The following BCL11B variants were observed in gnomAD, a reference collection of about 807,000 sequenced individuals.
BCL11B encodes the protein B-cell lymphoma/leukemia 11B.
Under a neutral mutation model 49.9 loss-of-function variants are expected in BCL11B, and 8 were observed. The ratio of observed to expected loss-of-function variants is 0.16; its 90% CI spans 0.09 to 0.29. The LOEUF (loss-of-function observed/expected upper bound fraction) is 0.29. BCL11B is among the 10% of genes least tolerant of loss of function. The pLI is 1.00. For missense variants in BCL11B, 1,006 were observed against 1,351.0 expected, an observed-to-expected ratio of 0.74 and a Z score of 4.00; for synonymous variants, 739 against 637.4, an observed-to-expected ratio of 1.16 and a Z score of -2.40.
rs1888599429 is a variant in BCL11B at position 99,239,422 on chromosome 14, G to A, written c.428-7865C>T. The stretch of plus-strand genomic sequence containing the variant: ...AAGCATAAAGAATGTGGGACTTCGG[G>A]TTGGGACCCTGTAGCCCTTTCCCAG... On this transcript the variant is annotated intron_variant, in intron 2 of 3. Transcript: ENST00000357195. 2.6e-5 allele frequency among the ~76,000 whole-genome samples: 4 copies of A among 152,214 alleles called. No individual in the cohort carries two copies. In the South Asian group the frequency reaches 8.3e-4, roughly 32 times the overall value.
At chr14:99,217,804 GCCA>G (rs2139858492) in intron 3 of BCL11B, among the ~76,000 whole-genome samples, 1 of 152,220 alleles carries the variant, frequency 6.6e-6, no homozygotes, top group East Asian at 1.9e-4. Flanking sequence ...CCCGCCGCCT[GCCA>G]CCACCCCGTC....
chr14:99,224,408 A>G (rs1169187180), intron 3 of BCL11B, among the ~76,000 whole-genome samples: 1 of 152,156 alleles, frequency 6.6e-6, no homozygotes, highest in East Asian at 1.9e-4. Flanking sequence ...TGTCATGCCT[A>G]GGACTGAGCC....
chr14:99,209,612 G>C (rs780444652), intron 3 of BCL11B, among the ~76,000 whole-genome samples: 2 of 152,130 alleles, frequency 1.3e-5, no homozygotes, highest in Non-Finnish European at 2.9e-5. Context: ...CCTGGCCCCC[G>C]GCAGGGGAGA....
At chr14:99,223,114 G>A (rs1888059993) in intron 3 of BCL11B, among the ~76,000 whole-genome samples, 1 of 152,156 alleles carries the variant, frequency 6.6e-6, no homozygotes, top group South Asian at 2.1e-4. Flanking sequence ...CCTTCACCTG[G>A]TAAGAAGCAC....
rs1183669798 is a variant in BCL11B at position 99,263,681 on chromosome 14, C to A, written c.59-5842G>T. Among the ~76,000 whole-genome samples the A allele has an allele frequency of 2.0e-5, 3 of 152,150 alleles. No homozygotes were observed. The East Asian group carries it at 5.8e-4, about 29-fold the overall frequency. ...CCTCAGTTGCTCTATGGAGTCCAAC[C>A]GCCTTCTCTCCCCCACTGCACACAC... On this transcript the variant is annotated intron_variant, in intron 1 of 3. Coordinates refer to ENST00000357195, the MANE Select transcript of BCL11B (RefSeq NM_138576.4).
Position 99,231,526 on chromosome 14 carries a change from C to T in BCL11B, c.459G>A (p.Val153=). Residue 153 remains valine (V), a synonymous_variant, in exon 3 of 4, where the codon GTG becomes GTA. Transcript: ENST00000357195. This position sits in a 1 kb window ranked among gnomAD's most constrained non-coding sequence, Gnocchi z 8.1. ...GGTGGGAGGAGGCAGCTATGGGGGC[C>T]ACCGCTGGCAGCTGGGCAGGCCTGC... ...GPCRPAQLPA[V]APIAASSHPH... 6.3e-7 allele frequency: 1 copy of T among 1,592,382 alleles called. No homozygotes were observed. Among genetic ancestry groups the T allele is most frequent in the African/African-American group, 1.3e-5 (1 of 74,806 alleles).
chr14:99,240,023 G>A (rs759212975), intron 2 of BCL11B, among the ~76,000 whole-genome samples: 2 of 152,216 alleles, frequency 1.3e-5, no homozygotes, highest in Non-Finnish European at 2.9e-5. Context: ...TGCAGATGGA[G>A]TCATGGATAT....
intron 1 of BCL11B, among the ~76,000 whole-genome samples, chr14:99,267,733 T>C (rs1033823356): frequency 3.9e-5 from 6 of 152,186 alleles, no homozygotes; most frequent in African/African-American, 1.4e-4. Context: ...AAGGTAACCA[T>C]GGAATTAACA....
At chr14:99,182,158 T>C (rs1237120581) in intron 3 of BCL11B, among the ~76,000 whole-genome samples, 4 of 152,114 alleles carry the variant, frequency 2.6e-5, no homozygotes, top group Non-Finnish European at 5.9e-5. Flanking sequence ...AAGGCGGAAC[T>C]GGGGAAATAA....
At position 99,257,934 on chromosome 14, in the gene BCL11B, A is replaced by AAGAAGCAGCCCCCT; in HGVS notation, c.59-109_59-96dup. On this transcript the variant is annotated intron_variant, in intron 1 of 3. Transcript: ENST00000357195. The surrounding 1 kb of genome is among the most constrained non-coding windows in gnomAD (Gnocchi z 6.2). ...ACTTCCGGTCCACCCCTTCCCCGCC[A>AAGAAGCAGCCCCCT]AGAAGCAGCCCCCTCTGCTGCTGGC... 2 of 1,372,604 alleles carry AAGAAGCAGCCCCCT rather than the reference A, an allele frequency of 1.5e-6. No homozygotes were observed. The highest frequency in any genetic ancestry group is 1.9e-6 in the Non-Finnish European group (2 of 1,048,604). The allele number at this position is 1,372,604 out of a possible 1,614,324, so 85.0% of individuals were successfully genotyped here.
At chr14:99,222,999 T>A (rs1301670170) in intron 3 of BCL11B, among the ~76,000 whole-genome samples, 1 of 152,206 alleles carries the variant, frequency 6.6e-6, no homozygotes, top group African/African-American at 2.4e-5. Context: ...ATCATTTAAA[T>A]TAGGAATATA....
At chr14:99,222,709 C>T (rs1888045749) in intron 3 of BCL11B, among the ~76,000 whole-genome samples, 1 of 152,152 alleles carries the variant, frequency 6.6e-6, no homozygotes, top group South Asian at 2.1e-4. Context: ...CAGAAGACAC[C>T]ACATCCACAC....
intron 3 of BCL11B, among the ~76,000 whole-genome samples, chr14:99,203,871 G>A (rs1191994879): frequency 1.3e-5 from 2 of 151,898 alleles, no homozygotes; most frequent in African/African-American, 2.4e-5. Flanking sequence ...CCTCCCTCTC[G>A]TGGCCTAGTC....
chr14:99,251,066 A>C (rs2139938908), intron 2 of BCL11B, among the ~76,000 whole-genome samples: 1 of 152,308 alleles, frequency 6.6e-6, no homozygotes, highest in East Asian at 1.9e-4. Context: ...CCCCTTTCTC[A>C]GCTGAGGAAA....
chr14:99,234,240 G>A (rs1337673313), intron 2 of BCL11B, among the ~76,000 whole-genome samples: 2 of 152,078 alleles, frequency 1.3e-5, no homozygotes, highest in Non-Finnish European at 2.9e-5. Flanking sequence ...CAGGAGTGAC[G>A]GCTGCACGAC....
chr14:99,257,842 G>T lies in BCL11B; in HGVS notation c.59-3C>A. On this transcript the variant is annotated splice_polypyrimidine_tract_variant and splice_region_variant and intron_variant, in intron 1 of 3. Transcript: ENST00000357195. This position sits in a 1 kb window ranked among gnomAD's most constrained non-coding sequence, Gnocchi z 6.2. Reference sequence around the variant, plus strand: ...GGCCTCCACATGGTCAGCCTCTGCTGGAGACAGAAAGAAGAAAGGGAAGGG... The same window carrying T: ...GGCCTCCACATGGTCAGCCTCTGCTTGAGACAGAAAGAAGAAAGGGAAGGG... 6.6e-6 allele frequency: 10 copies of T among 1,511,676 alleles called. No homozygotes were observed. The highest frequency in any genetic ancestry group is 8.9e-6 in the Non-Finnish European group (10 of 1,127,456). The allele number at this position is 1,511,676 out of a possible 1,614,324, so 93.6% of individuals were successfully genotyped here. A position where few individuals can be genotyped will look rare whatever the true frequency, so the allele number is the denominator to read the frequency against.
intron 3 of BCL11B, among the ~76,000 whole-genome samples, chr14:99,204,590 A>C (rs1887481146): frequency 6.6e-6 from 1 of 152,056 alleles, no homozygotes. Context: ...CTTCCTGCCA[A>C]TGCCCGGCAG....
chr14:99,212,251 A>C (rs558642620), intron 3 of BCL11B, among the ~76,000 whole-genome samples: 7 of 152,200 alleles, frequency 4.6e-5, no homozygotes, highest in Non-Finnish European at 7.3e-5. Context: ...CGGTGCACCC[A>C]AAGCCAGAGA....
At chr14:99,233,631 C>T (rs1226581217) in intron 2 of BCL11B, among the ~76,000 whole-genome samples, 2 of 152,222 alleles carry the variant, frequency 1.3e-5, no homozygotes, top group Non-Finnish European at 2.9e-5. Flanking sequence ...AAGAAGCTGA[C>T]TCTGTCTCCG....
Sources: allele counts gnomAD v4.1 joint callset (sites outside exome capture counted in the v4.1 genomes callset), GRCh38; gene constraint gnomAD v4.1.1; non-coding constraint Gnocchi (gnomAD v3.1); transcripts MANE v1.5; gene names NCBI Gene and HGNC (gene_info 2026-07-23, HGNC 2026-07-21).